Variants in IL1RAPL2 observed in about 807,000 individuals in gnomAD.
IL1RAPL2 encodes the protein X-linked interleukin-1 receptor accessory protein-like 2.
Under a neutral mutation model 44.1 loss-of-function variants are expected in IL1RAPL2, and 3 were observed. The ratio of observed to expected loss-of-function variants is 0.07; its 90% CI spans 0.03 to 0.18. The LOEUF is 0.18. Ranked by LOEUF, IL1RAPL2 falls within the 10% of genes least tolerant of loss-of-function variation. IL1RAPL2 has a pLI of 1.00. For synonymous variants in IL1RAPL2, 181 were observed against 178.8 expected (o/e 1.01, Z -0.10); for missense variants, 391 against 496.4 (o/e 0.79, Z 2.02).
chrX:105,320,731 C>A (rs1198161954), intron 5 of IL1RAPL2, among the ~76,000 whole-genome samples: 1 of 111,566 alleles, frequency 9.0e-6, no homozygotes, highest in Non-Finnish European at 1.9e-5. Flanking sequence ...GTGTCTTATG[C>A]ATGTGTGTAT....
chrX:104,730,365 C>T (rs1278483867), intron 2 of IL1RAPL2, among the ~76,000 whole-genome samples: 1 of 73,583 alleles, frequency 1.4e-5, no homozygotes, highest in African/African-American at 4.3e-5. Flanking sequence ...TAATGCTATC[C>T]CTCCCCTCCC....
chrX:105,344,709 C>G (rs921280275), intron 5 of IL1RAPL2, among the ~76,000 whole-genome samples: 1 of 111,130 alleles, frequency 9.0e-6, no homozygotes, highest in Non-Finnish European at 1.9e-5. Context: ...ATCCTTCTGC[C>G]GTCTTATATG....
intron 2 of IL1RAPL2, among the ~76,000 whole-genome samples, chrX:104,951,484 A>G (rs751179235): frequency 8.9e-6 from 1 of 112,527 alleles, no homozygotes; most frequent in South Asian, 3.7e-4. Flanking sequence ...CAACTTTCTG[A>G]GCTGACGTTA....
chrX:105,521,801 C>T (rs1019644956), intron 6 of IL1RAPL2, among the ~76,000 whole-genome samples: 5 of 111,915 alleles, frequency 4.5e-5, no homozygotes, highest in Non-Finnish European at 1.9e-5. Context: ...TTCTTTATAC[C>T]AGTATGAGAA....
At chrX:105,640,547 CA>C (rs1465321091) in intron 6 of IL1RAPL2, among the ~76,000 whole-genome samples, 1 of 104,903 alleles carries the variant, frequency 9.5e-6, no homozygotes, top group Non-Finnish European at 2.0e-5. Flanking sequence ...CAGATATGAC[CA>C]AAAAGACTGG....
chrX:104,682,860 T>C (rs969838324), intron 2 of IL1RAPL2, among the ~76,000 whole-genome samples: 2 of 111,884 alleles, frequency 1.8e-5, no homozygotes, highest in African/African-American at 3.2e-5. Flanking sequence ...TATAAACATA[T>C]ATGTAAAGAT....
chrX:105,264,459 A>G (rs1311407014), intron 4 of IL1RAPL2, among the ~76,000 whole-genome samples: 2 of 111,804 alleles, frequency 1.8e-5, no homozygotes, highest in Non-Finnish European at 3.8e-5. Flanking sequence ...TAATGACAGC[A>G]GTAAGCCTAG....
chrX:104,931,561 A>C (rs999327462), intron 2 of IL1RAPL2, among the ~76,000 whole-genome samples: 1 of 111,368 alleles, frequency 9.0e-6, no homozygotes, highest in African/African-American at 3.3e-5. Flanking sequence ...GGAGGCATGA[A>C]GACCCTGGGT....
chrX:104,851,696 C>G (rs1922229256), intron 2 of IL1RAPL2, among the ~76,000 whole-genome samples: 1 of 111,531 alleles, frequency 9.0e-6, no homozygotes, highest in Non-Finnish European at 1.9e-5. Context: ...TGTTGTGTTG[C>G]TGTAACAGAA....
chrX:104,895,074 A>T (rs1345011597), intron 2 of IL1RAPL2, among the ~76,000 whole-genome samples: 1 of 112,405 alleles, frequency 8.9e-6, no homozygotes, highest in East Asian at 2.8e-4. Flanking sequence ...TTTCCTGGGT[A>T]TCAGCAGCGG....
chrX:105,172,048 G>C (rs2033428372), intron 2 of IL1RAPL2, among the ~76,000 whole-genome samples: 1 of 112,449 alleles, frequency 8.9e-6, no homozygotes, highest in Non-Finnish European at 1.9e-5. Flanking sequence ...ATATTTGGAG[G>C]AAACTCAATG....
chrX:105,079,429 T>C (rs1298866233), intron 2 of IL1RAPL2, among the ~76,000 whole-genome samples: 2 of 108,426 alleles, frequency 1.8e-5, no homozygotes, highest in Admixed American at 2.0e-4. Context: ...CAAATGCCCA[T>C]CAATGATAGA....
intron 5 of IL1RAPL2, among the ~76,000 whole-genome samples, chrX:105,367,967 G>GT (rs200879379): frequency 5.3e-4 from 58 of 109,679 alleles, no homozygotes; most frequent in African/African-American, 1.9e-3. Flanking sequence ...GTCTGAGAAA[G>GT]TTTTTTTTTA....
At chrX:105,287,931 G>A (rs1039568678) in intron 5 of IL1RAPL2, among the ~76,000 whole-genome samples, 14 of 111,312 alleles carry the variant, frequency 1.3e-4, no homozygotes, top group African/African-American at 3.9e-4. Flanking sequence ...GAAGCCCACA[G>A]TCTAGTAGGG....
chrX:104,628,826 A>G (rs1929573294), intron 1 of IL1RAPL2, among the ~76,000 whole-genome samples: 1 of 112,437 alleles, frequency 8.9e-6, no homozygotes, highest in African/African-American at 3.2e-5. Flanking sequence ...TACTACAGCA[A>G]TCCAAATGGT....
chrX:105,457,857 A>G (rs1800049682), intron 5 of IL1RAPL2, among the ~76,000 whole-genome samples: 1 of 110,539 alleles, frequency 9.0e-6, no homozygotes, highest in African/African-American at 3.3e-5. Flanking sequence ...ACTGGGTCAT[A>G]TGGTAATTCT....
chrX:105,407,873 A>G (rs764044352), intron 5 of IL1RAPL2, among the ~76,000 whole-genome samples: 3 of 112,117 alleles, frequency 2.7e-5, no homozygotes, highest in African/African-American at 9.8e-5. Context: ...TATTTACACT[A>G]TTAGCTTAGT....
chrX:104,648,840 A>G (rs907380290), intron 1 of IL1RAPL2, among the ~76,000 whole-genome samples: 2 of 111,416 alleles, frequency 1.8e-5, no homozygotes, highest in Admixed American at 9.6e-5. Flanking sequence ...TTTGTGGACT[A>G]TGTATGGAGC....
chrX:104,579,980 A>G (rs1928312870), intron 1 of IL1RAPL2, among the ~76,000 whole-genome samples: 2 of 111,303 alleles, frequency 1.8e-5, no homozygotes, highest in African/African-American at 3.3e-5. Context: ...ACAAACATCC[A>G]TTGATGTGCA....
Sources: gnomAD v4.1 joint callset for allele counts (sites outside exome capture counted in the v4.1 genomes callset) on GRCh38, gnomAD v4.1.1 for gene constraint, MANE v1.5 for transcripts, NCBI Gene and HGNC (gene_info 2026-07-23, HGNC 2026-07-21) for gene names.